Variants in ABI3BP observed in about 807,000 individuals in gnomAD.
ABI3BP encodes ABI family member 3 binding protein, also known as target of Nesh-SH3.
A neutral mutation model predicts 268.6 loss-of-function variants in ABI3BP; 216 were observed. The ratio of observed to expected loss-of-function variants is 0.80; its 90% CI spans 0.72 to 0.90. ABI3BP has a LOEUF of 0.90. Among genes scored for constraint, ABI3BP ranks in the 40% least tolerant of loss-of-function variants. The pLI is 0.00. For missense variants in ABI3BP, 2,090 were observed against 2,182.4 expected, an observed-to-expected ratio of 0.96 and a Z score of 0.84; for synonymous variants, 730 against 730.0, an observed-to-expected ratio of 1.00 and a Z score of 0.00.
chr3:100,795,259 G>C (rs2097310882), intron 53 of ABI3BP, among the ~76,000 whole-genome samples: 1 of 151,974 alleles, frequency 6.6e-6, no homozygotes, highest in African/African-American at 2.4e-5. Flanking sequence ...ATGGGGTGTG[G>C]GTTAGACACA....
chr3:100,861,930 C>G (rs968775098), intron 14 of ABI3BP, among the ~76,000 whole-genome samples: 1 of 152,086 alleles, frequency 6.6e-6, no homozygotes, highest in Admixed American at 6.6e-5. Context: ...AATTATTTTG[C>G]CAAAAAGAAG....
rs1022907412 is a variant in ABI3BP, at chr3:100,770,860, C to A, written c.4624G>T (p.Gly1542Trp). 1 of 1,604,218 alleles carries A rather than the reference C, an allele frequency of 6.2e-7. No homozygotes were observed. The highest frequency in any genetic ancestry group is 1.3e-5 in the African/African-American group (1 of 74,830). Residue 1542 changes from glycine (G) to tryptophan (W), a missense_variant, in exon 62 of 68, where the codon GGG becomes TGG. Physicochemically the swap from Gly to Trp is radical, Grantham distance 184 (BLOSUM62 -2). Coordinates refer to ENST00000471714, the MANE Select transcript of ABI3BP (RefSeq NM_001375547.2). ...KRFPKEEATEGNATSPPQNPP... is the reference protein window; with the variant it reads ...KRFPKEEATEWNATSPPQNPP... Reference sequence around the variant, plus strand: ...TTCTGTGGTGGGCTGGTGGCATTCCCCTCTGTGGCCTCCTCTTTGGGGAAC... The same window carrying A: ...TTCTGTGGTGGGCTGGTGGCATTCCACTCTGTGGCCTCCTCTTTGGGGAAC...
At chr3:100,755,789 TC>T (rs2095582981) in intron 63 of ABI3BP, among the ~76,000 whole-genome samples, 2 of 152,364 alleles carry the variant, frequency 1.3e-5, no homozygotes, top group East Asian at 3.9e-4. Context: ...AATTCAAAAG[TC>T]AACCTGAGTC....
Position 100,809,864 on chromosome 3 carries a change from C to T in ABI3BP, c.3607+548G>A, listed in dbSNP as rs140217177. Among the ~76,000 whole-genome samples, 385 of 151,928 alleles carry T rather than the reference C, an allele frequency of 2.5e-3. 3 individuals are homozygous for T. The highest frequency in any genetic ancestry group is 8.9e-3 in the African/African-American group (368 of 41,442). On this transcript the variant is annotated intron_variant, in intron 49 of 67. Coordinates refer to ENST00000471714, the MANE Select transcript of ABI3BP (RefSeq NM_001375547.2). Reference sequence around the variant, plus strand: ...TACTATGTAAAGCTTTGTGATAAGCCAAAATAATTGTTTTGATTTTTTTTA... The same window carrying T: ...TACTATGTAAAGCTTTGTGATAAGCTAAAATAATTGTTTTGATTTTTTTTA...
chr3:100,976,021 G>T (rs961187812), intron 1 of ABI3BP, among the ~76,000 whole-genome samples: 9 of 152,066 alleles, frequency 5.9e-5, no homozygotes, highest in Non-Finnish European at 1.3e-4. Context: ...CTTAGCAACT[G>T]GTGATAACGG....
At chr3:100,763,105 G>A (rs1440472041) in intron 63 of ABI3BP, among the ~76,000 whole-genome samples, 3 of 152,164 alleles carry the variant, frequency 2.0e-5, no homozygotes, top group Non-Finnish European at 2.9e-5. Flanking sequence ...GGTAAAATTC[G>A]GCATGGGATC....
intron 1 of ABI3BP, among the ~76,000 whole-genome samples, chr3:100,944,117 A>G (rs2070943197): frequency 6.6e-6 from 1 of 152,122 alleles, no homozygotes; most frequent in Non-Finnish European, 1.5e-5. Flanking sequence ...CCCAGCTGAG[A>G]GAATGCCAGG....
intron 1 of ABI3BP, among the ~76,000 whole-genome samples, chr3:100,939,407 T>C (rs1584244514): frequency 1.3e-5 from 2 of 152,092 alleles, no homozygotes; most frequent in East Asian, 3.9e-4. Flanking sequence ...GGTTCTTTCC[T>C]ATTTTCCTTA....
At chr3:100,829,769 G>C in intron 32 of ABI3BP, 105 bp from the exon 33 acceptor site, 5 of 922,304 alleles carry the variant, frequency 5.4e-6, no homozygotes, top group Non-Finnish European at 8.2e-6. Flanking sequence ...TGTTTCTTTT[G>C]GGTTTGAAAT....
At chr3:100,849,330 A>T (rs553098965) in intron 17 of ABI3BP, among the ~76,000 whole-genome samples, 2 of 151,060 alleles carry the variant, frequency 1.3e-5, no homozygotes, top group South Asian at 4.2e-4. Context: ...AGTTCAAGCA[A>T]TTCTTGCCTC....
At position 100,911,854 on chromosome 3, in the gene ABI3BP, T is replaced by C. The variant is rs551725940; in HGVS notation, c.260-9168A>G. ...AAGTTTTTGTGAAGCAGCCTCTCTC[T>C]AAACGTCATGATCTGATCTGAATGA... On this transcript the variant is annotated intron_variant, in intron 2 of 67. Coordinates refer to ENST00000471714, the MANE Select transcript of ABI3BP (RefSeq NM_001375547.2). 7 of 1,600,166 alleles carry C rather than the reference T, an allele frequency of 4.4e-6. No individual in the cohort carries two copies. The South Asian group carries it at 5.5e-5, about 13-fold the overall frequency.
intron 20 of ABI3BP, among the ~76,000 whole-genome samples, chr3:100,842,846 ATTG>A (rs1185975913): frequency 6.6e-6 from 1 of 152,224 alleles, no homozygotes; most frequent in Non-Finnish European, 1.5e-5. Context: ...TTAAAAAGGA[ATTG>A]TTTATTTTTG....
chr3:100,815,841 T>G, intron 44 of ABI3BP, 71 bp downstream of exon 44: 1 of 1,119,470 alleles, frequency 8.9e-7, no homozygotes, highest in South Asian at 1.5e-5. Context: ...GCAACTCTGG[T>G]CATGACAGTG....
chr3:100,881,787 C>G (rs2039414381), intron 6 of ABI3BP, among the ~76,000 whole-genome samples: 1 of 152,132 alleles, frequency 6.6e-6, no homozygotes, highest in African/African-American at 2.4e-5. Flanking sequence ...TCTGCATATG[C>G]CCTTTCTCTG....
intron 9 of ABI3BP, among the ~76,000 whole-genome samples, chr3:100,870,269 G>C (rs923068911): frequency 5.3e-5 from 8 of 152,104 alleles, no homozygotes; most frequent in Non-Finnish European, 1.5e-5. Context: ...CAAACCACAT[G>C]TATCTGATAA....
chr3:100,867,658 A>AG (rs1481049557), intron 9 of ABI3BP, among the ~76,000 whole-genome samples: 11 of 151,414 alleles, frequency 7.3e-5, no homozygotes, highest in East Asian at 1.9e-4. Flanking sequence ...AAAAAAAAAA[A>AG]AAAGAAAATT....
In ABI3BP at chr3:100,789,458, T is replaced by C. The variant is rs1445729006; in HGVS notation, c.4083A>G (p.Arg1361=). The stretch of plus-strand genomic sequence containing the variant: ...GTCATCAGAGAAACAACTTACCAGG[T>C]CTGATGTGTGGCTTGTCAGATGTTC... ...RPRTSDKPHI[R]PVLNRTTTRP... The change falls in exon 56 of 68, where the codon AGA becomes AGG. Residue 1361 remains arginine, a synonymous_variant. Transcript: ENST00000471714. The C allele has an allele frequency of 6.2e-7, 1 of 1,600,220 alleles. No individual in the cohort carries two copies. The highest frequency in any genetic ancestry group is 8.5e-7 in the Non-Finnish European group (1 of 1,172,818).
rs1322662154 is a variant in ABI3BP at position 100,789,528 on chromosome 3, G to T, written c.4025-12C>A. The T allele has an allele frequency of 1.3e-6, 2 of 1,581,432 alleles. No individual in the cohort carries two copies. Among genetic ancestry groups the T allele is most frequent in the African/African-American group, 1.3e-5 (1 of 74,228 alleles). On this transcript the variant is annotated splice_polypyrimidine_tract_variant and intron_variant, in intron 55 of 67. Coordinates refer to ENST00000471714, the MANE Select transcript of ABI3BP (RefSeq NM_001375547.2). ...AAATCTGTGTGGCGCTGAAACAGAG[G>T]AACACTTTATATTTAATAACCAACA...
At chr3:100,954,121 T>C (rs1192824067) in intron 1 of ABI3BP, among the ~76,000 whole-genome samples, 1 of 152,156 alleles carries the variant, frequency 6.6e-6, no homozygotes, top group Non-Finnish European at 1.5e-5. Flanking sequence ...AAACACAGCA[T>C]TTAGAAATAT....
Sources: gnomAD v4.1 joint callset for allele counts (sites outside exome capture counted in the v4.1 genomes callset) on GRCh38, gnomAD v4.1.1 for gene constraint, MANE v1.5 for transcripts, NCBI Gene and HGNC (gene_info 2026-07-23, HGNC 2026-07-21) for gene names.